NCAM2: variants seen among roughly 807,000 people sequenced by gnomAD.
NCAM2 encodes N-CAM-2.
NCAM2 carries 30 observed loss-of-function variants against 98.1 expected under a neutral mutation model. The observed-to-expected ratio is 0.31, with a 90% CI of 0.23 to 0.41. The LOEUF (loss-of-function observed/expected upper bound fraction) is 0.41. NCAM2 is among the 10% of genes least tolerant of loss of function. NCAM2 has a pLI of 1.00. For missense variants in NCAM2, 867 were observed against 1,005.8 expected (o/e 0.86, Z 1.87); for synonymous variants, 368 against 342.4 (o/e 1.07, Z -0.83).
At chr21:21,399,619 T>G (rs2076585741) in intron 9 of NCAM2, among the ~76,000 whole-genome samples, 1 of 152,202 alleles carries the variant, frequency 6.6e-6, no homozygotes, top group African/African-American at 2.4e-5. Flanking sequence ...CTTTTCAATT[T>G]GATTTAGAAA....
chr21:21,002,890 A>T (rs1325833731), intron 1 of NCAM2, among the ~76,000 whole-genome samples: 1 of 152,142 alleles, frequency 6.6e-6, no homozygotes, highest in Non-Finnish European at 1.5e-5. Context: ...GGATAGGCCT[A>T]TTTAAAAGAT....
intron 1 of NCAM2, among the ~76,000 whole-genome samples, chr21:21,208,276 T>G (rs895631409): frequency 6.6e-6 from 1 of 152,190 alleles, no homozygotes; most frequent in African/African-American, 2.4e-5. Flanking sequence ...TTGAGTCAAC[T>G]GACAATGAAT....
rs145409094 is a variant in NCAM2, at chr21:21,332,356, G to A, written c.738-3149G>A. Among the ~76,000 whole-genome samples the A allele has an allele frequency of 1.8e-4, 28 of 152,196 alleles. No individual in the cohort carries two copies. The Middle Eastern group carries it at 0.01, about 55-fold the overall frequency. On this transcript the variant is annotated intron_variant, in intron 6 of 17. Coordinates refer to ENST00000400546, the MANE Select transcript of NCAM2 (RefSeq NM_004540.5). The stretch of plus-strand genomic sequence containing the variant: ...GAGAGCTTCCATTTAGGCTCTTTTA[G>A]GTGGATCCAAACCACCTTCAGTCTA...
chr21:21,102,294 A>C (rs2066259014), intron 1 of NCAM2, among the ~76,000 whole-genome samples: 1 of 152,102 alleles, frequency 6.6e-6, no homozygotes, highest in South Asian at 2.1e-4. Flanking sequence ...ATTGTAAAAA[A>C]AGTACAATTT....
At chr21:21,276,927 A>T (rs1009414641) in intron 1 of NCAM2, among the ~76,000 whole-genome samples, 2 of 152,098 alleles carry the variant, frequency 1.3e-5, no homozygotes, top group Non-Finnish European at 1.5e-5. Flanking sequence ...TAATATAAAT[A>T]AATTAATTAA....
intron 15 of NCAM2, among the ~76,000 whole-genome samples, chr21:21,484,329 A>G (rs1056447903): frequency 6.6e-6 from 1 of 152,122 alleles, no homozygotes; most frequent in Non-Finnish European, 1.5e-5. Context: ...TCTTGCATTA[A>G]TTATTCTTTT....
At chr21:21,376,616 T>A (rs1056333362) in intron 9 of NCAM2, among the ~76,000 whole-genome samples, 8 of 151,854 alleles carry the variant, frequency 5.3e-5, no homozygotes, top group Non-Finnish European at 1.2e-4. Flanking sequence ...TTGAATTATT[T>A]GCTCTTGTAA....
At chr21:21,066,989 C>A (rs773071757) in intron 1 of NCAM2, among the ~76,000 whole-genome samples, 12 of 151,810 alleles carry the variant, frequency 7.9e-5, no homozygotes, top group Non-Finnish European at 1.5e-4. Context: ...TGTTATATTG[C>A]TACTGGAAAT....
In NCAM2 at chr21:21,534,563, T is replaced by G. The variant is rs754185321; in HGVS notation, c.2309T>G (p.Val770Gly). 6.2e-7 allele frequency: 1 copy of G among 1,601,406 alleles called. No homozygotes were observed. The highest frequency in any genetic ancestry group is 8.5e-7 in the Non-Finnish European group (1 of 1,171,596). The stretch of plus-strand genomic sequence containing the variant: ...AAAGATGGATCAAAAGAACCAATAG[T>G]GGAGATGAGAACAGAGGATGAAAGA... ...YLKDGSKEPI[V>G]EMRTEDERVT... Residue 770 changes from valine (V) to glycine (G), a missense_variant, in exon 17 of 18, where the codon GTG becomes GGG. Physicochemically the swap from Val to Gly is moderately radical, Grantham distance 109. Around this residue, in one of 5 missense-constraint regions of NCAM2, gnomAD observed 125 missense variants for 116.1 expected, o/e 1.08. Transcript: ENST00000400546.
chr21:21,295,421 C>T (rs1463616332), intron 5 of NCAM2, among the ~76,000 whole-genome samples: 1 of 151,782 alleles, frequency 6.6e-6, no homozygotes, highest in Non-Finnish European at 1.5e-5. Context: ...TTCTTCCCCT[C>T]CCTTGAAGAA....
intron 1 of NCAM2, among the ~76,000 whole-genome samples, chr21:21,052,483 G>C (rs1733454538): frequency 6.6e-6 from 1 of 151,760 alleles, no homozygotes; most frequent in South Asian, 2.1e-4. Context: ...TTCTATTTCA[G>C]GTGTGACTTC....
intron 1 of NCAM2, among the ~76,000 whole-genome samples, chr21:21,161,762 A>G (rs538592065): frequency 2.2e-4 from 33 of 152,120 alleles, no homozygotes; most frequent in African/African-American, 7.0e-4. Flanking sequence ...CAAACTCCAT[A>G]GAGTAATTAG....
chr21:21,538,081 C>G lies in NCAM2; in HGVS notation c.*124C>G, dbSNP rs1990080908. Reference sequence around the variant, plus strand: ...CTTCTAGCTTGGAATAGCTTGTACACATATACATATGATCAAATACTCCTG... The same window carrying G: ...CTTCTAGCTTGGAATAGCTTGTACAGATATACATATGATCAAATACTCCTG... On this transcript the variant is annotated 3_prime_UTR_variant, in exon 18 of 18. Coordinates refer to ENST00000400546, the MANE Select transcript of NCAM2 (RefSeq NM_004540.5). 1 of 452,036 alleles carries G rather than the reference C, an allele frequency of 2.2e-6. No individual in the cohort carries two copies. Among genetic ancestry groups the G allele is most frequent in the Admixed American group, 4.3e-5 (1 of 23,510 alleles). The allele number at this position is 452,036 out of a possible 1,614,324, so 28.0% of individuals were successfully genotyped here. A position where few individuals can be genotyped will look rare whatever the true frequency, so the allele number is the denominator to read the frequency against.
intron 1 of NCAM2, among the ~76,000 whole-genome samples, chr21:21,052,750 C>T (rs2065137124): frequency 6.6e-6 from 1 of 152,118 alleles, no homozygotes; most frequent in Admixed American, 6.5e-5. Context: ...TAAATTTAGG[C>T]TCCATCTGGG....
chr21:21,383,035 A>G (rs1389471143), intron 9 of NCAM2, among the ~76,000 whole-genome samples: 1 of 152,126 alleles, frequency 6.6e-6, no homozygotes, highest in Non-Finnish European at 1.5e-5. Context: ...TTTAACATCT[A>G]GGTCATTTTA....
intron 1 of NCAM2, among the ~76,000 whole-genome samples, chr21:21,272,198 C>A (rs1295561565): frequency 1.3e-5 from 2 of 152,078 alleles, no homozygotes; most frequent in East Asian, 3.9e-4. Flanking sequence ...CTGCCATAGT[C>A]CAAATCAATG....
chr21:21,136,208 T>A (rs2067046494), intron 1 of NCAM2, among the ~76,000 whole-genome samples: 2 of 152,186 alleles, frequency 1.3e-5, no homozygotes, highest in Admixed American at 6.5e-5. Flanking sequence ...TCCTCACTAT[T>A]CTTTACCATT....
At chr21:21,068,477 T>TTGG (rs2065489854) in intron 1 of NCAM2, among the ~76,000 whole-genome samples, 1 of 138,446 alleles carries the variant, frequency 7.2e-6, no homozygotes, top group Non-Finnish European at 1.6e-5. Context: ...TTTTTTTTTT[T>TTGG]GAGATGGAAT....
At chr21:21,027,018 C>A (rs540492216) in intron 1 of NCAM2, among the ~76,000 whole-genome samples, 2 of 151,678 alleles carry the variant, frequency 1.3e-5, no homozygotes, top group Admixed American at 1.3e-4. Context: ...CATTGCCACC[C>A]GACCAATTTT....
Sources: gnomAD v4.1 joint callset for allele counts (sites outside exome capture counted in the v4.1 genomes callset) on GRCh38, gnomAD v4.1.1 for gene constraint, gnomAD v4.1.1 regional missense constraint, MANE v1.5 for transcripts, NCBI Gene and HGNC (gene_info 2026-07-23, HGNC 2026-07-21) for gene names.